SIK3: variants seen among roughly 807,000 people sequenced by gnomAD.
The protein encoded by SIK3 is serine/threonine-protein kinase SIK3.
SIK3 carries 28 observed loss-of-function variants against 144.2 expected under a neutral mutation model. That is an observed-to-expected ratio of 0.19 (90% confidence interval 0.14 to 0.27). SIK3 has a LOEUF of 0.27. Among genes scored for constraint, SIK3 ranks in the 10% least tolerant of loss-of-function variants. SIK3 has a pLI of 1.00. For missense variants in SIK3, 1,319 were observed against 1,776.0 expected, an observed-to-expected ratio of 0.74 and a Z score of 4.62; for synonymous variants, 686 against 676.3, an observed-to-expected ratio of 1.01 and a Z score of -0.22.
intron 1 of SIK3, among the ~76,000 whole-genome samples, chr11:116,957,994 C>A (rs1291541876): frequency 2.0e-5 from 3 of 152,106 alleles, no homozygotes; most frequent in Non-Finnish European, 4.4e-5. Context: ...TTTACTAAAT[C>A]TAAACTTCCT....
At chr11:117,038,785 C>T (rs1952620827) in intron 1 of SIK3, among the ~76,000 whole-genome samples, 1 of 152,110 alleles carries the variant, frequency 6.6e-6, no homozygotes, top group Non-Finnish European at 1.5e-5. Context: ...CGCAGTGGCT[C>T]ATGCCTGTAA....
intron 1 of SIK3, among the ~76,000 whole-genome samples, chr11:117,017,729 G>A (rs1314756732): frequency 6.6e-6 from 1 of 152,050 alleles, no homozygotes; most frequent in Non-Finnish European, 1.5e-5. Context: ...AATGAGAAAG[G>A]TCGTATGGAT....
At chr11:116,941,156 A>G (rs1451273482) in intron 3 of SIK3, among the ~76,000 whole-genome samples, 1 of 151,992 alleles carries the variant, frequency 6.6e-6, no homozygotes, top group African/African-American at 2.4e-5. Context: ...ACAGGTGCCC[A>G]CCACCATGCT....
At chr11:116,965,564 G>A (rs1471695537) in intron 1 of SIK3, among the ~76,000 whole-genome samples, 1 of 150,898 alleles carries the variant, frequency 6.6e-6, no homozygotes, top group East Asian at 1.9e-4. Context: ...TAAGGTTAAG[G>A]AGCTGTTGAA....
At chr11:117,013,915 G>GGGGGGGGGTGTGT (rs1206309055) in intron 1 of SIK3, among the ~76,000 whole-genome samples, 3 of 23,614 alleles carry the variant, frequency 1.3e-4, no homozygotes, top group Non-Finnish European at 3.9e-4. Context: ...GGGGGGGGAG[G>GGGGGGGGGTGTGT]GTGTGTGTGT....
chr11:116,957,249 T>C (rs568745261), intron 1 of SIK3, among the ~76,000 whole-genome samples, 185 bp from the exon 2 acceptor site: 1 of 152,334 alleles, frequency 6.6e-6, no homozygotes, highest in Middle Eastern at 3.4e-3. Context: ...TCCTAGCAAG[T>C]TGGTCTCAAA....
At chr11:116,953,607 T>C (rs1185889868) in intron 3 of SIK3, among the ~76,000 whole-genome samples, 4 of 152,220 alleles carry the variant, frequency 2.6e-5, no homozygotes, top group African/African-American at 4.8e-5. Flanking sequence ...ATAATATAGT[T>C]ACATGTTATA....
chr11:116,908,024 CAG>C (rs1414664196), intron 4 of SIK3, among the ~76,000 whole-genome samples: 7 of 148,412 alleles, frequency 4.7e-5, no homozygotes, highest in Non-Finnish European at 7.4e-5. Flanking sequence ...TTTACGGCCT[CAG>C]GGGATGGAAG....
At chr11:116,877,183 T>G (rs1944300615) in intron 6 of SIK3, 141 bp from the exon 7 acceptor site, 2 of 697,872 alleles carry the variant, frequency 2.9e-6, no homozygotes, top group Non-Finnish European at 2.5e-6. Flanking sequence ...GATCCTTACC[T>G]ATTCTGTTGC....
At chr11:116,911,263 T>C (rs1946328642) in intron 4 of SIK3, among the ~76,000 whole-genome samples, 1 of 152,094 alleles carries the variant, frequency 6.6e-6, no homozygotes, top group Non-Finnish European at 1.5e-5. Context: ...ATCCCAGCAC[T>C]TTGGGAGGCC....
intron 1 of SIK3, among the ~76,000 whole-genome samples, chr11:116,996,815 C>T (rs1950683154): frequency 1.4e-5 from 1 of 73,304 alleles, no homozygotes; most frequent in African/African-American, 6.5e-5. Flanking sequence ...GGGAGACTCT[C>T]TCTCAAAAAA....
chr11:116,968,906 A>ACAATACTACTTTTT (rs1456918741), intron 1 of SIK3, among the ~76,000 whole-genome samples: 2 of 152,300 alleles, frequency 1.3e-5, no homozygotes, highest in East Asian at 1.9e-4. Flanking sequence ...ATGTCTTATG[A>ACAATACTACTTTTT]CAATACTACT....
At chr11:116,981,145 T>C (rs1950127470) in intron 1 of SIK3, among the ~76,000 whole-genome samples, 1 of 152,214 alleles carries the variant, frequency 6.6e-6, no homozygotes, top group African/African-American at 2.4e-5. Context: ...TAATTACTTA[T>C]TTTGCTCACA....
chr11:116,972,134 C>T (rs1183705863), intron 1 of SIK3, among the ~76,000 whole-genome samples: 1 of 151,158 alleles, frequency 6.6e-6, no homozygotes, highest in Non-Finnish European at 1.5e-5. Flanking sequence ...TAACTCTTAA[C>T]CCATACAACA....
chr11:117,055,023 T>C (rs1400015374), intron 1 of SIK3, among the ~76,000 whole-genome samples: 1 of 152,236 alleles, frequency 6.6e-6, no homozygotes, highest in Non-Finnish European at 1.5e-5. Flanking sequence ...TTATCTCATT[T>C]AATATTGATA....
chr11:117,034,833 T>C (rs1436753634), intron 1 of SIK3, among the ~76,000 whole-genome samples: 1 of 152,216 alleles, frequency 6.6e-6, no homozygotes, highest in Non-Finnish European at 1.5e-5. Flanking sequence ...AAATAGTCAA[T>C]TAAGATCCAA....
intron 1 of SIK3, among the ~76,000 whole-genome samples, chr11:116,973,538 T>C (rs1018315651): frequency 1.3e-5 from 2 of 152,212 alleles, no homozygotes; most frequent in Non-Finnish European, 2.9e-5. Context: ...TTTTTTCAAT[T>C]GCACAAAATG....
chr11:117,037,551 G>C (rs1952562856), intron 1 of SIK3, among the ~76,000 whole-genome samples: 1 of 152,164 alleles, frequency 6.6e-6, no homozygotes, highest in Non-Finnish European at 1.5e-5. Context: ...AACTTAAGCT[G>C]TCAGGAATAG....
intron 1 of SIK3, among the ~76,000 whole-genome samples, chr11:117,095,192 T>TA (rs3057848): frequency 0.014 from 1,662 of 122,118 alleles, 18 homozygotes; most frequent in African/African-American, 0.025. Context: ...CATGTGTGTT[T>TA]AAAAAAAAAA....
Sources: gnomAD v4.1 joint callset for allele counts (sites outside exome capture counted in the v4.1 genomes callset) on GRCh38, gnomAD v4.1.1 for gene constraint, MANE v1.5 for transcripts, NCBI Gene and HGNC (gene_info 2026-07-23, HGNC 2026-07-21) for gene names.